Variants in PLA2G4C observed in about 807,000 individuals in gnomAD.
The protein encoded by PLA2G4C is cytosolic phospholipase A2 gamma.
A neutral mutation model predicts 73.8 loss-of-function variants in PLA2G4C; 64 were observed. The ratio of observed to expected loss-of-function variants is 0.87; its 90% CI spans 0.71 to 1.07. The LOEUF (loss-of-function observed/expected upper bound fraction) is 1.07, where lower values mean the gene tolerates loss of function less well. Among genes scored for constraint, PLA2G4C ranks in the 50% least tolerant of loss-of-function variants. PLA2G4C has a pLI of 0.00. For synonymous variants in PLA2G4C, 254 were observed against 252.1 expected (o/e 1.01, Z -0.07); for missense variants, 622 against 665.4 (o/e 0.93, Z 0.72).
At position 48,104,500 on chromosome 19, in the gene PLA2G4C, GA is replaced by G. The variant is rs919778325; in HGVS notation, c.257+87del. 2.2e-6 allele frequency: 3 copies of G among 1,354,506 alleles called. No homozygotes were observed. The African/African-American group carries it at 4.3e-5, about 20-fold the overall frequency. The allele number at this position is 1,354,506 out of a possible 1,614,324, so 83.9% of individuals were successfully genotyped here. On this transcript the variant is annotated intron_variant, in intron 4 of 16. Coordinates refer to ENST00000599921, the MANE Select transcript of PLA2G4C (RefSeq NM_003706.3). The stretch of plus-strand genomic sequence containing the variant: ...CCAGAGAGCTCGAGAAGCAGCGTTG[GA>G]AAAAACCACACACATTTGGTGTCAG...
At position 48,099,823 on chromosome 19, in the gene PLA2G4C, C is replaced by G. The variant is rs1409495851; in HGVS notation, c.295G>C (p.Glu99Gln). 6.2e-7 allele frequency: 1 copy of G among 1,613,862 alleles called. No homozygotes were observed. The highest frequency in any genetic ancestry group is 1.7e-5 in the Admixed American group (1 of 59,996). ...SSLYTNDGDMEALEADLKHRF... is the reference protein window; with the variant it reads ...SSLYTNDGDMQALEADLKHRF... Reference sequence around the variant, plus strand: ...TGTTTCAGGTCAGCCTCGAGAGCTTCCATGTCACCATCATTGGTGTAGAGA... The same window carrying G: ...TGTTTCAGGTCAGCCTCGAGAGCTTGCATGTCACCATCATTGGTGTAGAGA... The change falls in exon 5 of 17, where the codon GAA (glutamate) becomes CAA (glutamine). Residue 99 changes from glutamate to glutamine, a missense_variant. Transcript: ENST00000599921.
rs1257916253 is a variant in PLA2G4C at position 48,058,430 on chromosome 19, A to AC, written c.1258-3382dup. Among the ~76,000 whole-genome samples, 30 of 150,964 alleles carry AC rather than the reference A, an allele frequency of 2.0e-4. No individual in the cohort carries two copies. In the East Asian group the frequency reaches 5.9e-3, roughly 30 times the overall value. On this transcript the variant is annotated intron_variant, in intron 14 of 16. Transcript: ENST00000599921. ...TGAGATTACAGGAGTGAGCCACCGT[A>AC]CCCAGCCACTTTTCTACACATAAAA...
chr19:48,108,615 G>A (rs1046025812), intron 1 of PLA2G4C, among the ~76,000 whole-genome samples: 1 of 152,148 alleles, frequency 6.6e-6, no homozygotes, highest in African/African-American at 2.4e-5. Context: ...GCACCTTCAT[G>A]ATTCTAACCT....
intron 14 of PLA2G4C, among the ~76,000 whole-genome samples, chr19:48,058,448 A>G (rs186041949): frequency 6.6e-6 from 1 of 152,266 alleles, no homozygotes; most frequent in Non-Finnish European, 1.5e-5. Flanking sequence ...ACTTTTCTAC[A>G]CATAAAACAG....
rs1371183425 is a variant in PLA2G4C, at chr19:48,054,906, A to G, written c.1401T>C (p.Phe467=). Residue 467 remains phenylalanine (F), a synonymous_variant, in exon 15 of 17, where the codon TTT becomes TTC. Coordinates refer to ENST00000599921, the MANE Select transcript of PLA2G4C (RefSeq NM_003706.3). ...KGETGPVVMH[F]PLFNIDACGG... is the part of the protein sequence containing the mutation. ...CACAGGCATCTATGTTGAACAGGGGAAAATGCATCACCACTGGTCCAGTTT... is the reference window on the plus strand; with the variant it reads ...CACAGGCATCTATGTTGAACAGGGGGAAATGCATCACCACTGGTCCAGTTT... The G allele has an allele frequency of 1.2e-6, 2 of 1,613,876 alleles. No individual in the cohort carries two copies. Among genetic ancestry groups the G allele is most frequent in the Non-Finnish European group, 1.7e-6 (2 of 1,179,920 alleles).
chr19:48,053,791 C>G (rs1172495274), intron 15 of PLA2G4C, among the ~76,000 whole-genome samples: 1 of 152,130 alleles, frequency 6.6e-6, no homozygotes, highest in East Asian at 1.9e-4. Flanking sequence ...CAATTTATCC[C>G]TAATGGGAGT....
At chr19:48,055,410 T>TTTCAA (rs1967903547) in intron 14 of PLA2G4C, among the ~76,000 whole-genome samples, 1 of 148,288 alleles carries the variant, frequency 6.7e-6, no homozygotes, top group African/African-American at 2.6e-5. Flanking sequence ...TATATATATA[T>TTTCAA]TTCAATTAGC....
chr19:48,107,861 T>C (rs2032310342), intron 1 of PLA2G4C, among the ~76,000 whole-genome samples: 1 of 152,160 alleles, frequency 6.6e-6, no homozygotes, highest in Non-Finnish European at 1.5e-5. Flanking sequence ...GAAAAGAACA[T>C]AAAAGAAATA....
At chr19:48,083,423 CTT>C (rs2030759092) in intron 10 of PLA2G4C, among the ~76,000 whole-genome samples, 4 of 69,630 alleles carry the variant, frequency 5.7e-5, no homozygotes, top group African/African-American at 2.0e-4. Context: ...TGTTTCATTT[CTT>C]TTTTTTCTTT....
chr19:48,085,035 C>T (rs143043549), intron 10 of PLA2G4C, 24 bp downstream of exon 10: 201 of 1,561,518 alleles, frequency 1.3e-4, no homozygotes, highest in African/African-American at 2.3e-4. Flanking sequence ...TAGGCTTTGA[C>T]CTTTCTGTTC....
Position 48,110,777 on chromosome 19 carries a change from C to T in PLA2G4C, c.-323G>A, listed in dbSNP as rs1035492629. ...CCCTGCGCCTTTAAACAGCCCTCCT[C>T]GGCTTGTAGGCCCTGCTTGGTTGCT... On this transcript the variant is annotated 5_prime_UTR_variant, in exon 1 of 17. Coordinates refer to ENST00000599921, the MANE Select transcript of PLA2G4C (RefSeq NM_003706.3). 1.0e-5 allele frequency: 4 copies of T among 398,494 alleles called. No homozygotes were observed. The highest frequency in any genetic ancestry group is 2.1e-5 in the African/African-American group (1 of 48,052). The allele number at this position is 398,494 out of a possible 1,614,324, so 24.7% of individuals were successfully genotyped here.
intron 14 of PLA2G4C, among the ~76,000 whole-genome samples, chr19:48,057,477 C>CTTTTTTTTTTTTTTTTTTT (rs1265460823): frequency 1.8e-4 from 3 of 16,850 alleles, no homozygotes; most frequent in East Asian, 2.3e-3. Flanking sequence ...TCTTCTTCTT[C>CTTTTTTTTTTTTTTTTTTT]TTCTTCTTTT....
chr19:48,091,883 CAAAAAAAAAAAA>C (rs35118449), intron 7 of PLA2G4C, among the ~76,000 whole-genome samples: 2 of 21,104 alleles, frequency 9.5e-5, no homozygotes, highest in East Asian at 1.0e-3. Context: ...GACTCCATCT[CAAAAAAAAAAAA>C]AAAAAAAAAA....
intron 1 of PLA2G4C, chr19:48,108,953 GTAAA>G (rs2032360084): frequency 6.6e-6 from 1 of 152,100 alleles, no homozygotes; most frequent in Non-Finnish European, 1.5e-5. Flanking sequence ...TAAATAAAAA[GTAAA>G]TGAATGTGGC....
intron 13 of PLA2G4C, among the ~76,000 whole-genome samples, chr19:48,062,858 C>A (rs747026923): frequency 1.6e-4 from 25 of 152,070 alleles, no homozygotes; most frequent in Non-Finnish European, 2.9e-4. Flanking sequence ...GATGCACAAC[C>A]GTGACACAGC....
intron 13 of PLA2G4C, among the ~76,000 whole-genome samples, chr19:48,064,194 C>T (rs1285350563): frequency 6.6e-6 from 1 of 152,062 alleles, no homozygotes; most frequent in African/African-American, 2.4e-5. Flanking sequence ...TTTGGGAGGC[C>T]AAGGTGGGTG....
intron 11 of PLA2G4C, among the ~76,000 whole-genome samples, chr19:48,076,656 T>C (rs981167675): frequency 1.3e-5 from 2 of 151,210 alleles, no homozygotes; most frequent in African/African-American, 4.9e-5. Flanking sequence ...GGCAGGAGAA[T>C]AGCTTGAACC....
At chr19:48,061,953 G>A (rs1327850784) in intron 14 of PLA2G4C, 45 bp downstream of exon 14, 3 of 1,598,234 alleles carry the variant, frequency 1.9e-6, no homozygotes, top group Non-Finnish European at 2.6e-6. Flanking sequence ...CTTCGCCGCA[G>A]CCCACCTCCC....
At chr19:48,110,384 A>AAAAAG in intron 1 of PLA2G4C, 103 bp downstream of exon 1, 6 of 702,336 alleles carry the variant, frequency 8.5e-6, no homozygotes, top group Non-Finnish European at 1.3e-5. Flanking sequence ...AAATAAAATA[A>AAAAAG]AAAAGAAAAA....
Sources: allele counts gnomAD v4.1 joint callset (sites outside exome capture counted in the v4.1 genomes callset), GRCh38; gene constraint gnomAD v4.1.1; transcripts MANE v1.5; gene names NCBI Gene and HGNC (gene_info 2026-07-23, HGNC 2026-07-21).